Variants in TBCEL observed in about 807,000 individuals in gnomAD.
TBCEL encodes the protein tubulin folding cofactor E like, also known as tubulin-specific chaperone cofactor E-like protein.
A neutral mutation model predicts 44.2 loss-of-function variants in TBCEL; 15 were observed. That is an observed-to-expected ratio of 0.34 (90% CI 0.23 to 0.52). The LOEUF (loss-of-function observed/expected upper bound fraction) is 0.52. Ranked by LOEUF, TBCEL falls within the 20% of genes least tolerant of loss-of-function variation. The pLI, the probability that TBCEL is intolerant of heterozygous loss-of-function variation, is 0.95. For synonymous variants in TBCEL, 171 were observed against 185.4 expected (o/e 0.92, Z 0.63); for missense variants, 319 against 506.3 (o/e 0.63, Z 3.55).
intron 3 of TBCEL, among the ~76,000 whole-genome samples, chr11:121,046,868 A>G (rs140781386): frequency 2.8e-3 from 427 of 152,240 alleles, no homozygotes; most frequent in Middle Eastern, 0.014. Flanking sequence ...AGACTGAAAC[A>G]CTTTCTTCCA....
chr11:121,033,515 A>G (rs1009643514), intron 1 of TBCEL, among the ~76,000 whole-genome samples: 7 of 152,192 alleles, frequency 4.6e-5, no homozygotes, highest in African/African-American at 1.2e-4. Context: ...CTGATTTAAG[A>G]TCCTCAAGTG....
chr11:121,075,393 G>A (rs766414241), intron 8 of TBCEL, among the ~76,000 whole-genome samples: 1 of 151,940 alleles, frequency 6.6e-6, no homozygotes, highest in Non-Finnish European at 1.5e-5. Context: ...GCTTAGTGTT[G>A]GGAGAAGCTG....
At chr11:121,063,390 C>A (rs142162840) in intron 8 of TBCEL, among the ~76,000 whole-genome samples, 1 of 152,284 alleles carries the variant, frequency 6.6e-6, no homozygotes, top group Admixed American at 6.5e-5. Flanking sequence ...GCATTCCTTG[C>A]ACAAATGAAA....
chr11:121,060,407 C>T (rs972572163), intron 8 of TBCEL, among the ~76,000 whole-genome samples: 2 of 151,660 alleles, frequency 1.3e-5, no homozygotes, highest in Non-Finnish European at 2.9e-5. Context: ...TTTACCTACC[C>T]CCCCAAATTA....
intron 2 of TBCEL, among the ~76,000 whole-genome samples, chr11:121,044,318 C>T (rs975461032): frequency 1.3e-5 from 2 of 151,966 alleles, no homozygotes; most frequent in African/African-American, 4.8e-5. Flanking sequence ...TCCTTAAAAC[C>T]TTTCAGTTTT....
At position 121,076,948 on chromosome 11, in the gene TBCEL, G is replaced by A. The variant is rs562507445; in HGVS notation, c.957-9830G>A. Among the ~76,000 whole-genome samples the A allele has an allele frequency of 4.6e-5, 7 of 152,012 alleles. No individual in the cohort carries two copies. In the East Asian group the frequency reaches 1.2e-3, roughly 25 times the overall value. On this transcript the variant is annotated intron_variant, in intron 8 of 8. Transcript: ENST00000683345. ...TTCTTACTTGATGTATCAATATAGTGAATTATATTAATTGCACTTTTAACC... is the reference window on the plus strand; with the variant it reads ...TTCTTACTTGATGTATCAATATAGTAAATTATATTAATTGCACTTTTAACC...
At chr11:121,042,959 A>G (rs1283891009) in intron 2 of TBCEL, among the ~76,000 whole-genome samples, 1 of 152,158 alleles carries the variant, frequency 6.6e-6, no homozygotes, top group Non-Finnish European at 1.5e-5. Flanking sequence ...TTGTACTACA[A>G]CTTCCTCTTA....
intron 8 of TBCEL, among the ~76,000 whole-genome samples, chr11:121,079,522 TG>T (rs1382608356): frequency 6.6e-6 from 1 of 152,200 alleles, no homozygotes; most frequent in African/African-American, 2.4e-5. Flanking sequence ...GTTAACAAAC[TG>T]GGTCTCAATT....
intron 6 of TBCEL, 106 bp from the exon 7 acceptor site, chr11:121,058,239 A>G (rs1945657650): frequency 6.0e-6 from 8 of 1,327,046 alleles, no homozygotes; most frequent in East Asian, 2.5e-5. Context: ...GTTTATGATC[A>G]TTTTAACATT....
At chr11:121,051,278 A>C (rs969123535) in intron 4 of TBCEL, among the ~76,000 whole-genome samples, 2 of 151,796 alleles carry the variant, frequency 1.3e-5, no homozygotes, top group Non-Finnish European at 3.0e-5. Context: ...GAAATCTCCC[A>C]GAAATTGTTT....
intron 8 of TBCEL, among the ~76,000 whole-genome samples, chr11:121,073,009 A>G (rs1945965353): frequency 6.6e-6 from 1 of 152,004 alleles, no homozygotes; most frequent in South Asian, 2.1e-4. Flanking sequence ...CCATTGGTGT[A>G]TTTGTCCATC....
chr11:121,066,252 G>T (rs1487905422), intron 8 of TBCEL, among the ~76,000 whole-genome samples: 1 of 152,166 alleles, frequency 6.6e-6, no homozygotes, highest in South Asian at 2.1e-4. Context: ...CTTCTTTGCT[G>T]TTCTGTATCT....
At chr11:121,033,823 C>T (rs1945184607) in intron 1 of TBCEL, among the ~76,000 whole-genome samples, 2 of 151,580 alleles carry the variant, frequency 1.3e-5, no homozygotes, top group African/African-American at 4.9e-5. Context: ...CCCGTGCCCT[C>T]TGGCTCCTGA....
chr11:121,049,683 T>C (rs1306429590), intron 4 of TBCEL, among the ~76,000 whole-genome samples: 1 of 151,836 alleles, frequency 6.6e-6, no homozygotes, highest in Non-Finnish European at 1.5e-5. Context: ...TTCAAATTTG[T>C]TTCTTTGGAA....
intron 8 of TBCEL, among the ~76,000 whole-genome samples, chr11:121,065,855 G>A (rs540611390): frequency 2.0e-5 from 3 of 152,212 alleles, no homozygotes; most frequent in Admixed American, 6.5e-5. Context: ...ACTCCATGTC[G>A]AGGGCTTACA....
At chr11:121,037,703 A>T (rs1366231070) in intron 2 of TBCEL, among the ~76,000 whole-genome samples, 1 of 152,208 alleles carries the variant, frequency 6.6e-6, no homozygotes, top group Non-Finnish European at 1.5e-5. Context: ...TAAAAAATAT[A>T]TATCTACATA....
At chr11:121,081,216 C>T (rs77469921) in intron 8 of TBCEL, among the ~76,000 whole-genome samples, 2,040 of 152,214 alleles carry the variant, frequency 0.013, 37 homozygotes, top group African/African-American at 0.047. Flanking sequence ...CAGTTGCCCA[C>T]GTGGTTATGC....
intron 8 of TBCEL, among the ~76,000 whole-genome samples, chr11:121,081,378 G>A (rs1463379027): frequency 3.9e-5 from 6 of 152,260 alleles, no homozygotes; most frequent in Non-Finnish European, 2.9e-5. Flanking sequence ...CATCCTTATC[G>A]GTAATATTTT....
rs1946251968 is a variant in TBCEL at position 121,088,745 on chromosome 11, A to G, written c.*1649A>G. On this transcript the variant is annotated 3_prime_UTR_variant, in exon 9 of 9. Coordinates refer to ENST00000683345, the MANE Select transcript of TBCEL (RefSeq NM_001363644.2). ...GCTACTTTTTAAATTTTCCTGTGCCATGTGGCAGATGTTTATTCTCTTAAT... is the reference window on the plus strand; with the variant it reads ...GCTACTTTTTAAATTTTCCTGTGCCGTGTGGCAGATGTTTATTCTCTTAAT... 1 of 152,158 alleles carries G rather than the reference A, an allele frequency of 6.6e-6. No homozygotes were observed. The highest frequency in any genetic ancestry group is 1.5e-5 in the Non-Finnish European group (1 of 68,036). The allele number at this position is 152,158 out of a possible 1,614,324, so 9.4% of individuals were successfully genotyped here. A position where few individuals can be genotyped will look rare whatever the true frequency, so the allele number is the denominator to read the frequency against.
Sources: gnomAD v4.1 joint callset for allele counts (sites outside exome capture counted in the v4.1 genomes callset) on GRCh38, gnomAD v4.1.1 for gene constraint, MANE v1.5 for transcripts, NCBI Gene and HGNC (gene_info 2026-07-23, HGNC 2026-07-21) for gene names.